The following CDIN1 variants were observed in gnomAD, a reference collection of about 807,000 sequenced individuals.
CDIN1 encodes CDAN1 interacting nuclease 1, also known as CDAN1-interacting nuclease 1.
A neutral mutation model predicts 45.3 loss-of-function variants in CDIN1; 33 were observed. The observed-to-expected ratio is 0.73, with a 90% confidence interval of 0.55 to 0.97. CDIN1 has a LOEUF of 0.97. CDIN1 is among the 50% of genes least tolerant of loss of function. CDIN1 has a pLI of 0.00. For synonymous variants in CDIN1, 118 were observed against 124.4 expected (o/e 0.95, Z 0.34); for missense variants, 303 against 339.4 (o/e 0.89, Z 0.84).
chr15:36,659,478 C>G (rs1187556185), intron 5 of CDIN1, among the ~76,000 whole-genome samples: 1 of 152,080 alleles, frequency 6.6e-6, no homozygotes, highest in Non-Finnish European at 1.5e-5. Context: ...AATGTGGCTG[C>G]TTGGAAAGGA....
chr15:36,799,340 G>C (rs927771904), intron 10 of CDIN1: 1 of 152,104 alleles, frequency 6.6e-6, no homozygotes, highest in Admixed American at 6.6e-5. Context: ...CATTTGAGAA[G>C]GTGTTCTGTC....
chr15:36,729,030 A>C (rs1172952474), intron 10 of CDIN1, among the ~76,000 whole-genome samples: 1 of 152,362 alleles, frequency 6.6e-6, no homozygotes, highest in East Asian at 1.9e-4. Flanking sequence ...GAAAATCAGC[A>C]ACACAATGGC....
At position 36,579,813 on chromosome 15, in the gene CDIN1, C is replaced by A; in HGVS notation, c.-48C>A. Reference sequence around the variant, plus strand: ...CTCGGCACCAAGGCTACTTGAGCCCCAGGGTGTTTTTTCCTTGTTCCCGCC... The same window carrying A: ...CTCGGCACCAAGGCTACTTGAGCCCAAGGGTGTTTTTTCCTTGTTCCCGCC... On this transcript the variant is annotated 5_prime_UTR_variant, in exon 1 of 11. Coordinates refer to ENST00000566621, the MANE Select transcript of CDIN1 (RefSeq NM_001321759.2). 1 of 1,491,530 alleles carries A rather than the reference C, an allele frequency of 6.7e-7. No homozygotes were observed. The highest frequency in any genetic ancestry group is 1.2e-5 in the South Asian group (1 of 83,664). The allele number at this position is 1,491,530 out of a possible 1,614,324, so 92.4% of individuals were successfully genotyped here. A position where few individuals can be genotyped will look rare whatever the true frequency, so the allele number is the denominator to read the frequency against.
intron 1 of CDIN1, among the ~76,000 whole-genome samples, chr15:36,596,774 T>G (rs1291347827): frequency 6.6e-6 from 1 of 151,790 alleles, no homozygotes; most frequent in African/African-American, 2.4e-5. Flanking sequence ...TAAACCCCTC[T>G]TTAAAAAAAA....
At chr15:36,617,667 C>T (rs2038958083) in intron 1 of CDIN1, 2 of 767,152 alleles carry the variant, frequency 2.6e-6, no homozygotes, top group African/African-American at 3.4e-5. Flanking sequence ...AAAAAGTGAG[C>T]CAAGTCATAA....
At chr15:36,606,028 T>G (rs1052458172) in intron 1 of CDIN1, among the ~76,000 whole-genome samples, 1 of 152,138 alleles carries the variant, frequency 6.6e-6, no homozygotes, top group African/African-American at 2.4e-5. Flanking sequence ...CAAGGAGTTT[T>G]TTTTTTGTTT....
At chr15:36,704,642 A>T (rs1256086863) in intron 8 of CDIN1, 1 of 151,742 alleles carries the variant, frequency 6.6e-6, no homozygotes, top group African/African-American at 2.4e-5. Context: ...ATATGTATTG[A>T]TACATGTCTT....
At chr15:36,596,392 G>T (rs1410999493) in intron 1 of CDIN1, among the ~76,000 whole-genome samples, 2 of 152,222 alleles carry the variant, frequency 1.3e-5, no homozygotes, top group East Asian at 3.9e-4. Context: ...AAATTACTTT[G>T]TGTTTTGGTA....
chr15:36,637,089 G>C (rs1173575777), intron 1 of CDIN1, among the ~76,000 whole-genome samples: 2 of 152,162 alleles, frequency 1.3e-5, no homozygotes, highest in African/African-American at 4.8e-5. Context: ...CCTATGTAAA[G>C]ATAAACATAC....
intron 10 of CDIN1, among the ~76,000 whole-genome samples, chr15:36,774,133 G>GGTGTGTGTGTGTGTGTGTGTGT (rs761451923): frequency 6.5e-5 from 9 of 138,742 alleles, no homozygotes; most frequent in African/African-American, 2.5e-4. Context: ...AACTGACAGG[G>GGTGTGTGTGTGTGTGTGTGTGT]GTGTGTGTGT....
intron 1 of CDIN1, among the ~76,000 whole-genome samples, chr15:36,631,850 A>C (rs1349751709): frequency 1.3e-5 from 2 of 152,264 alleles, no homozygotes; most frequent in East Asian, 3.9e-4. Context: ...ATATTATTTG[A>C]GACAGGGTCT....
intron 1 of CDIN1, among the ~76,000 whole-genome samples, chr15:36,633,110 GCCTA>G (rs1272412188): frequency 6.6e-6 from 1 of 151,990 alleles, no homozygotes; most frequent in Non-Finnish European, 1.5e-5. Context: ...TTTTCTTTTT[GCCTA>G]CCTAATTAAT....
At chr15:36,611,851 A>G (rs547986216) in intron 1 of CDIN1, among the ~76,000 whole-genome samples, 26 of 152,232 alleles carry the variant, frequency 1.7e-4, no homozygotes, top group Non-Finnish European at 3.8e-4. Flanking sequence ...AATGAAGTTC[A>G]TAATTATTAG....
intron 3 of CDIN1, among the ~76,000 whole-genome samples, chr15:36,649,133 A>G (rs957546469): frequency 1.3e-4 from 20 of 152,376 alleles, no homozygotes; most frequent in South Asian, 6.2e-4. Flanking sequence ...AAAATATTCC[A>G]TAAAGACATA....
At chr15:36,799,198 A>G (rs1216466024) in intron 10 of CDIN1, 1 of 151,432 alleles carries the variant, frequency 6.6e-6, no homozygotes, top group East Asian at 1.9e-4. Flanking sequence ...ATTTGCACCC[A>G]GTGTCCACAT....
chr15:36,770,852 T>A (rs1016464930), intron 10 of CDIN1, among the ~76,000 whole-genome samples: 3 of 152,246 alleles, frequency 2.0e-5, no homozygotes, highest in African/African-American at 4.8e-5. Flanking sequence ...CCCAAACTGC[T>A]GCACATTAGA....
chr15:36,759,344 A>G (rs543835000), intron 10 of CDIN1, among the ~76,000 whole-genome samples: 3 of 152,296 alleles, frequency 2.0e-5, no homozygotes, highest in Admixed American at 1.3e-4. Flanking sequence ...GCTGACAGGA[A>G]TTCTCCATTT....
intron 5 of CDIN1, among the ~76,000 whole-genome samples, chr15:36,678,306 A>G (rs1472114731): frequency 1.3e-5 from 2 of 152,212 alleles, no homozygotes; most frequent in Non-Finnish European, 2.9e-5. Flanking sequence ...CTGGCAGGTC[A>G]ACCCCTGTGG....
At position 36,678,365 on chromosome 15, in the gene CDIN1, C is replaced by T. The variant is rs150952385; in HGVS notation, c.347-13320C>T. Among the ~76,000 whole-genome samples the T allele has an allele frequency of 2.6e-5, 4 of 152,300 alleles. No individual in the cohort carries two copies. The East Asian group carries it at 7.7e-4, about 29-fold the overall frequency. On this transcript the variant is annotated intron_variant, in intron 5 of 10. Transcript: ENST00000566621. ...ACCATGATATCCAAAGGCGTTAAAC[C>T]ATCATTGGAAGAAAAGATGAAATAC...
Sources: gnomAD v4.1 joint callset for allele counts (sites outside exome capture counted in the v4.1 genomes callset) on GRCh38, gnomAD v4.1.1 for gene constraint, MANE v1.5 for transcripts, NCBI Gene and HGNC (gene_info 2026-07-23, HGNC 2026-07-21) for gene names.